Variants in MYRIP observed in about 807,000 individuals in gnomAD.
MYRIP encodes rab effector MyRIP.
MYRIP carries 49 observed loss-of-function variants against 98.0 expected under a neutral mutation model. The ratio of observed to expected loss-of-function variants is 0.50; its 90% confidence interval spans 0.40 to 0.63. The LOEUF (loss-of-function observed/expected upper bound fraction) is 0.63, where lower values mean the gene tolerates loss of function less well. Ranked by LOEUF, MYRIP falls within the 30% of genes least tolerant of loss-of-function variation. The pLI is 0.00. For synonymous variants in MYRIP, 404 were observed against 409.5 expected, an observed-to-expected ratio of 0.99 and a Z score of 0.16; for missense variants, 1,004 against 1,058.2, an observed-to-expected ratio of 0.95 and a Z score of 0.71.
intron 2 of MYRIP, among the ~76,000 whole-genome samples, chr3:40,025,055 C>G (rs1411092356): frequency 3.9e-5 from 6 of 152,272 alleles, no homozygotes; most frequent in Non-Finnish European, 2.9e-5. Context: ...CTGAGTGGCT[C>G]ATAGCTGTGA....
chr3:40,070,121 C>T (rs907858058), intron 3 of MYRIP, among the ~76,000 whole-genome samples: 1 of 152,124 alleles, frequency 6.6e-6, no homozygotes, highest in African/African-American at 2.4e-5. Context: ...ATATCTGGGT[C>T]CCTTAATGCC....
intron 2 of MYRIP, among the ~76,000 whole-genome samples, chr3:39,966,084 C>T (rs1397446394): frequency 6.6e-6 from 1 of 152,114 alleles, no homozygotes; most frequent in Non-Finnish European, 1.5e-5. Context: ...CAGGTGGCTA[C>T]TCCAAGATCT....
chr3:40,034,958 T>C (rs1947344577), intron 2 of MYRIP, among the ~76,000 whole-genome samples: 2 of 150,594 alleles, frequency 1.3e-5, no homozygotes, highest in Admixed American at 1.3e-4. Context: ...TCATTCTCAG[T>C]AAACTATCGC....
chr3:39,809,409 C>T (rs1163125235), upstream of MYRIP, among the ~76,000 whole-genome samples: 1 of 148,270 alleles, frequency 6.7e-6, no homozygotes, highest in East Asian at 2.0e-4. Context: ...CCTCCCGGCG[C>T]GTGCCGCCCG....
intron 3 of MYRIP, among the ~76,000 whole-genome samples, chr3:40,078,015 C>T (rs907157131): frequency 1.3e-5 from 2 of 152,252 alleles, no homozygotes; most frequent in African/African-American, 4.8e-5. Context: ...ACACAGGAGC[C>T]CATGGAGAGG....
chr3:39,913,757 A>G (rs1227237368), intron 2 of MYRIP, among the ~76,000 whole-genome samples: 2 of 152,220 alleles, frequency 1.3e-5, no homozygotes, highest in Non-Finnish European at 2.9e-5. Flanking sequence ...GACCAGAAGG[A>G]TACAAGACTC....
chr3:39,851,704 A>C (rs985061705), intron 1 of MYRIP, among the ~76,000 whole-genome samples: 1 of 152,192 alleles, frequency 6.6e-6, no homozygotes, highest in Middle Eastern at 3.2e-3. Flanking sequence ...CTCATTTGTC[A>C]GAAATAAAAT....
intron 2 of MYRIP, among the ~76,000 whole-genome samples, chr3:39,909,904 T>C (rs368378319): frequency 7.0e-6 from 1 of 142,794 alleles, no homozygotes; most frequent in East Asian, 2.1e-4. Context: ...TTGTTTGTTT[T>C]GTTTTGAGAC....
intron 2 of MYRIP, among the ~76,000 whole-genome samples, chr3:39,988,282 C>T (rs1024007181): frequency 1.3e-5 from 2 of 151,352 alleles, no homozygotes; most frequent in Admixed American, 1.3e-4. Context: ...GCACATTGTG[C>T]ACATGTACCC....
At chr3:39,886,142 A>G in intron 1 of MYRIP, among the ~76,000 whole-genome samples, 1 of 151,838 alleles carries the variant, frequency 6.6e-6, no homozygotes, top group Non-Finnish European at 1.5e-5. Flanking sequence ...AAATGCTGAG[A>G]GATTTTGTCA....
At chr3:40,226,712 T>C (rs1231445126) in intron 11 of MYRIP, among the ~76,000 whole-genome samples, 1 of 152,180 alleles carries the variant, frequency 6.6e-6, no homozygotes, top group East Asian at 1.9e-4. Context: ...ATCTGCGTCC[T>C]AGGGTGGTGA....
chr3:39,959,502 G>A (rs7652102), intron 2 of MYRIP, among the ~76,000 whole-genome samples: 58,342 of 151,586 alleles, frequency 0.38, 11,800 homozygotes, highest in African/African-American at 0.52. Context: ...GGTGGGGAAC[G>A]TCACACATCA....
At chr3:40,094,854 T>C (rs1948796134) in intron 3 of MYRIP, among the ~76,000 whole-genome samples, 1 of 152,254 alleles carries the variant, frequency 6.6e-6, no homozygotes, top group African/African-American at 2.4e-5. Flanking sequence ...GCTGATGAGC[T>C]GCAGTTTCAG....
chr3:40,010,762 A>G (rs894402849), intron 2 of MYRIP, among the ~76,000 whole-genome samples: 1 of 152,108 alleles, frequency 6.6e-6, no homozygotes, highest in African/African-American at 2.4e-5. Context: ...AGGATGTCAG[A>G]AATCTCTTAG....
chr3:40,236,845 T>TA (rs1952839211), intron 12 of MYRIP, among the ~76,000 whole-genome samples: 1 of 148,252 alleles, frequency 6.7e-6, no homozygotes, highest in African/African-American at 2.6e-5. Flanking sequence ...TATTGGAGAG[T>TA]GTTTTTTTTT....
intron 2 of MYRIP, among the ~76,000 whole-genome samples, chr3:39,909,826 TG>T (rs1943974702): frequency 6.6e-6 from 1 of 152,182 alleles, no homozygotes; most frequent in African/African-American, 2.4e-5. Context: ...GAATAGAGTG[TG>T]GGGTTCCAGG....
intron 2 of MYRIP, among the ~76,000 whole-genome samples, chr3:39,901,897 A>C (rs1943751331): frequency 6.6e-6 from 1 of 152,212 alleles, no homozygotes; most frequent in African/African-American, 2.4e-5. Flanking sequence ...GGGACATAAC[A>C]TTGCCAAGAA....
rs1190856382 is a variant in MYRIP at position 40,218,621 on chromosome 3, T to TATATATATA, written c.1905+8529_1905+8537dup. 4.9e-5 allele frequency among the ~76,000 whole-genome samples: 4 copies of TATATATATA among 81,548 alleles called. 1 individual carries two copies. The highest frequency in any genetic ancestry group is 2.4e-4 in the African/African-American group (4 of 16,916). The allele number at this position is 81,548 out of a possible 152,430, so 53.5% of individuals were successfully genotyped here. On this transcript the variant is annotated intron_variant, in intron 11 of 16. Transcript: ENST00000302541. ...CACATATATATATATTTTATATATA[T>TATATATATA]ATATATATATATATATATATATATA...
intron 3 of MYRIP, among the ~76,000 whole-genome samples, chr3:40,048,577 T>C (rs1322209789): frequency 6.6e-6 from 1 of 152,118 alleles, no homozygotes; most frequent in East Asian, 1.9e-4. Context: ...CCAGACAGTG[T>C]CAAGTCTCTA....
Sources: gnomAD v4.1 joint callset for allele counts (sites outside exome capture counted in the v4.1 genomes callset) on GRCh38, gnomAD v4.1.1 for gene constraint, MANE v1.5 for transcripts, NCBI Gene and HGNC (gene_info 2026-07-23, HGNC 2026-07-21) for gene names.